ATP9B: variants seen among roughly 807,000 people sequenced by gnomAD.
ATP9B encodes ATPase phospholipid transporting 9B.
ATP9B carries 110 observed loss-of-function variants against 146.1 expected under a neutral mutation model. That is an observed-to-expected ratio of 0.75 (90% CI 0.65 to 0.88). ATP9B has a LOEUF of 0.88. Among genes scored for constraint, ATP9B ranks in the 40% least tolerant of loss-of-function variants. ATP9B has a pLI of 0.00. For missense variants in ATP9B, 1,499 were observed against 1,496.4 expected (o/e 1.00, Z -0.03); for synonymous variants, 604 against 569.7 (o/e 1.06, Z -0.86).
rs2097110669 is a variant in ATP9B, at chr18:79,377,986, A to G, written c.*603A>G. ...TTTCTACTGAAAATGAGCCCGAATT[A>G]TTTCACTATTACTGTAAAGGGTTCA... On this transcript the variant is annotated 3_prime_UTR_variant, in exon 30 of 30. Transcript: ENST00000426216. The G allele has an allele frequency of 6.5e-6, 1 of 153,200 alleles. No homozygotes were observed. Among genetic ancestry groups the G allele is most frequent in the African/African-American group, 2.4e-5 (1 of 41,458 alleles). 9.5% of individuals were successfully genotyped at this position (153,200 alleles called of 1,614,324 possible).
intron 9 of ATP9B, among the ~76,000 whole-genome samples, 194 bp from the exon 10 acceptor site, chr18:79,206,743 A>C (rs1050764185): frequency 2.6e-5 from 4 of 152,226 alleles, no homozygotes; most frequent in Non-Finnish European, 5.9e-5. Flanking sequence ...CAATTAATTG[A>C]TTACAGGAGT....
chr18:79,161,678 C>T (rs2094883528), intron 7 of ATP9B, among the ~76,000 whole-genome samples: 1 of 152,128 alleles, frequency 6.6e-6, no homozygotes, highest in African/African-American at 2.4e-5. Context: ...GAAACGCCAT[C>T]TCTAGAAAAA....
In ATP9B at chr18:79,239,792, G is replaced by A. The variant is rs2095872188; in HGVS notation, c.1108-13589G>A. On this transcript the variant is annotated intron_variant, in intron 11 of 29. Coordinates refer to ENST00000426216, the MANE Select transcript of ATP9B (RefSeq NM_198531.5). The surrounding 1 kb of genome is among the most constrained non-coding windows in gnomAD (Gnocchi z 5.1). ...GCTGTTTTCTCGAGAGCATTGTTTT[G>A]TGAGGGCGGTTGATCATCAGTTAAT... 6.6e-6 allele frequency among the ~76,000 whole-genome samples: 1 copy of A among 152,170 alleles called. No homozygotes were observed. Among genetic ancestry groups the A allele is most frequent in the South Asian group, 2.1e-4 (1 of 4,824 alleles).
At chr18:79,280,386 C>A (rs980223238) in intron 13 of ATP9B, among the ~76,000 whole-genome samples, 1 of 151,664 alleles carries the variant, frequency 6.6e-6, no homozygotes, top group Admixed American at 6.6e-5. Flanking sequence ...GTATATCTAC[C>A]TTGATTAATA....
In ATP9B at chr18:79,327,563, T is replaced by TCCATGGTTAGCGTGCTCG. The variant is rs2096758542; in HGVS notation, c.1774-1576_1774-1575insATGGTTAGCGTGCTCGCC. ...CGTGCTCTCCGTGGTTAGCGTGCTC[T>TCCATGGTTAGCGTGCTCG]CCGTGGTTAGCGTGCTCTCCGTGGT... On this transcript the variant is annotated intron_variant, in intron 15 of 29. Coordinates refer to ENST00000426216, the MANE Select transcript of ATP9B (RefSeq NM_198531.5). 2.3e-5 allele frequency among the ~76,000 whole-genome samples: 3 copies of TCCATGGTTAGCGTGCTCG among 130,406 alleles called. 1 individual carries two copies. Among genetic ancestry groups the TCCATGGTTAGCGTGCTCG allele is most frequent in the Non-Finnish European group, 5.0e-5 (3 of 60,488 alleles). 85.6% of individuals were successfully genotyped at this position (130,406 alleles called of 152,430 possible).
chr18:79,103,687 T>A (rs1483526262), intron 2 of ATP9B, among the ~76,000 whole-genome samples: 1 of 152,120 alleles, frequency 6.6e-6, no homozygotes, highest in African/African-American at 2.4e-5. Context: ...GAAAATTTGG[T>A]CACGCTTTGG....
chr18:79,233,439 C>T (rs1329051904), intron 11 of ATP9B, among the ~76,000 whole-genome samples: 3 of 152,166 alleles, frequency 2.0e-5, no homozygotes, highest in African/African-American at 7.2e-5. Context: ...TGGTTAAATG[C>T]CATAAAATGT....
At chr18:79,147,229 A>G (rs1344418457) in intron 6 of ATP9B, among the ~76,000 whole-genome samples, 1 of 146,546 alleles carries the variant, frequency 6.8e-6, no homozygotes. Context: ...AGAGCTGAAA[A>G]AAGTAGGCAA....
At chr18:79,269,760 C>G (rs761056338) in intron 12 of ATP9B, among the ~76,000 whole-genome samples, 1 of 152,244 alleles carries the variant, frequency 6.6e-6, no homozygotes, top group Non-Finnish European at 1.5e-5. Flanking sequence ...GAGATACCCT[C>G]TGTCTTGGAG....
chr18:79,113,119 C>A, intron 3 of ATP9B, 122 bp from the exon 4 acceptor site: 1 of 582,062 alleles, frequency 1.7e-6, no homozygotes, highest in South Asian at 2.5e-5. Flanking sequence ...CTTTGAATCA[C>A]AACATATTCT....
At chr18:79,320,546 C>G (rs1256945796) in intron 15 of ATP9B, among the ~76,000 whole-genome samples, 1 of 152,226 alleles carries the variant, frequency 6.6e-6, no homozygotes. Flanking sequence ...ACTGAGCTAG[C>G]TGCCGTCAGT....
intron 1 of ATP9B, among the ~76,000 whole-genome samples, chr18:79,081,468 C>A (rs553473057): frequency 6.6e-6 from 1 of 151,630 alleles, no homozygotes; most frequent in African/African-American, 2.4e-5. Flanking sequence ...TCACCTTTAT[C>A]ATTTTTTATT....
At chr18:79,284,423 T>G (rs2096412507) in intron 13 of ATP9B, among the ~76,000 whole-genome samples, 1 of 152,188 alleles carries the variant, frequency 6.6e-6, no homozygotes, top group Non-Finnish European at 1.5e-5. Flanking sequence ...AATCGCAGTT[T>G]AGAGAAAGCC....
At chr18:79,322,392 C>T (rs1249698971) in intron 15 of ATP9B, among the ~76,000 whole-genome samples, 2 of 152,206 alleles carry the variant, frequency 1.3e-5, no homozygotes, top group African/African-American at 4.8e-5. Flanking sequence ...GGCACACCAT[C>T]CCAAATGTGG....
rs923583660 is a variant in ATP9B at position 79,240,018 on chromosome 18, C to T, written c.1108-13363C>T. On this transcript the variant is annotated intron_variant, in intron 11 of 29. Coordinates refer to ENST00000426216, the MANE Select transcript of ATP9B (RefSeq NM_198531.5). Reference sequence around the variant, plus strand: ...AGCTGCAGTCCCAAGCTTGCCTGCGCTCTCTGGAACCCTCCAGAGTGTTCT... The same window carrying T: ...AGCTGCAGTCCCAAGCTTGCCTGCGTTCTCTGGAACCCTCCAGAGTGTTCT... Among the ~76,000 whole-genome samples, 10 of 152,220 alleles carry T rather than the reference C, an allele frequency of 6.6e-5. No individual in the cohort carries two copies. In the South Asian group the frequency reaches 1.2e-3, roughly 19 times the overall value.
rs932669369 is a variant in ATP9B at position 79,377,904 on chromosome 18, C to CT, written c.*525dup. 5.2e-5 allele frequency: 8 copies of CT among 153,778 alleles called. No individual in the cohort carries two copies. Among genetic ancestry groups the CT allele is most frequent in the Admixed American group, 3.2e-4 (5 of 15,620 alleles). The allele number at this position is 153,778 out of a possible 1,614,324, so 9.5% of individuals were successfully genotyped here. A position where few individuals can be genotyped will look rare whatever the true frequency, so the allele number is the denominator to read the frequency against. On this transcript the variant is annotated 3_prime_UTR_variant, in exon 30 of 30. Coordinates refer to ENST00000426216, the MANE Select transcript of ATP9B (RefSeq NM_198531.5). ...TCTTAAGTGTGGGGCCTCACCCCTG[C>CT]TTTTCTTTCTTTTTTTGTATTGTCA...
intron 20 of ATP9B, 154 bp from the exon 21 acceptor site, chr18:79,344,111 G>C: frequency 1.4e-6 from 1 of 691,596 alleles, no homozygotes; most frequent in Non-Finnish European, 2.5e-6. Context: ...GAATTGGAAA[G>C]GACCTTCTTC....
chr18:79,202,825 G>GA (rs2095500845), intron 9 of ATP9B, among the ~76,000 whole-genome samples: 1 of 152,142 alleles, frequency 6.6e-6, no homozygotes, highest in African/African-American at 2.4e-5. Flanking sequence ...CATTCATATG[G>GA]AAAAATGGTC....
chr18:79,345,816 T>C lies in ATP9B; in HGVS notation c.2659T>C (p.Cys887Arg). The change falls in exon 23 of 30, where the codon TGT (cysteine) becomes CGT (arginine). Residue 887 changes from cysteine (C) to arginine (R), a missense_variant. Transcript: ENST00000426216. ...TGTCAGCATGATTCAGGCAGCAGAC[T>C]GTGGGATTGGGATTGAGGGAAAGGT... ...NDVSMIQAAD[C>R]GIGIEGKEGK... 1 of 1,614,254 alleles carries C rather than the reference T, an allele frequency of 6.2e-7. No homozygotes were observed. Among genetic ancestry groups the C allele is most frequent in the South Asian group, 1.1e-5 (1 of 91,090 alleles).
Sources: allele counts gnomAD v4.1 joint callset (sites outside exome capture counted in the v4.1 genomes callset), GRCh38; gene constraint gnomAD v4.1.1; non-coding constraint Gnocchi (gnomAD v3.1); transcripts MANE v1.5; gene names NCBI Gene and HGNC (gene_info 2026-07-23, HGNC 2026-07-21).